The following LPA variants were observed in gnomAD, a reference collection of about 807,000 sequenced individuals.
LPA encodes the protein lipoprotein(a), also known as apolipoprotein(a).
A neutral mutation model predicts 197.9 loss-of-function variants in LPA; 199 were observed. The observed-to-expected ratio is 1.01, with a 90% CI of 0.90 to 1.13. The LOEUF is 1.13. Ranked by LOEUF, LPA falls within the 50% of genes most tolerant of loss-of-function variation. The pLI is 0.00. For missense variants in LPA, 1,853 were observed against 1,785.8 expected, an observed-to-expected ratio of 1.04 and a Z score of -0.68; for synonymous variants, 715 against 639.5, an observed-to-expected ratio of 1.12 and a Z score of -1.78.
intron 30 of LPA, among the ~76,000 whole-genome samples, chr6:160,552,098 G>C (rs934279056): frequency 2.0e-5 from 3 of 152,090 alleles, no homozygotes; most frequent in African/African-American, 7.2e-5. Context: ...TTTTTGTAGA[G>C]AGAGGGTCTC....
chr6:160,550,218 A>C (rs971998309), intron 30 of LPA, among the ~76,000 whole-genome samples: 1 of 58,524 alleles, frequency 1.7e-5, no homozygotes, highest in Non-Finnish European at 3.3e-5. Flanking sequence ...AGACTCTGTC[A>C]AGAAAAAAAA....
chr6:160,631,799 T>C (rs9365195), intron 8 of LPA, among the ~76,000 whole-genome samples: 21 of 150,446 alleles, frequency 1.4e-4, no homozygotes, highest in East Asian at 1.2e-3. Context: ...GATTCCGGTA[T>C]TTGTTTCTAT....
At chr6:160,643,106 G>GTGTGTGTGTT (rs1692566970) in intron 4 of LPA, among the ~76,000 whole-genome samples, 9 of 145,688 alleles carry the variant, frequency 6.2e-5, no homozygotes, top group African/African-American at 2.2e-4. Flanking sequence ...GTGTGTGTGT[G>GTGTGTGTGTT]TGTGTGTGTA....
intron 28 of LPA, among the ~76,000 whole-genome samples, chr6:160,564,877 C>T (rs1342019720): frequency 3.3e-5 from 5 of 152,198 alleles, no homozygotes; most frequent in Admixed American, 6.5e-5. Context: ...GGGTCCCATG[C>T]CCACAGAGCC....
intron 20 of LPA, among the ~76,000 whole-genome samples, chr6:160,598,897 T>C (rs41271004): frequency 1.1e-4 from 16 of 152,184 alleles, no homozygotes; most frequent in African/African-American, 3.9e-4. Context: ...AATTCCAAGG[T>C]GAAAAGGTTG....
chr6:160,573,898 G>A (rs1365416877), intron 28 of LPA, among the ~76,000 whole-genome samples: 3 of 152,080 alleles, frequency 2.0e-5, no homozygotes, highest in Admixed American at 6.6e-5. Flanking sequence ...GTGCTGGTTG[G>A]CCTCCTGCAT....
intron 33 of LPA, among the ~76,000 whole-genome samples, chr6:160,544,514 A>T (rs1778032508): frequency 6.6e-6 from 1 of 152,106 alleles, no homozygotes; most frequent in African/African-American, 2.4e-5. Flanking sequence ...AGTGGCCCAA[A>T]TGTGACGATG....
chr6:160,611,163 C>G (rs553568989), intron 16 of LPA, among the ~76,000 whole-genome samples: 1 of 152,216 alleles, frequency 6.6e-6, no homozygotes, highest in African/African-American at 2.4e-5. Flanking sequence ...CATAAACTTT[C>G]CTCATGAGCC....
chr6:160,657,127 C>T (rs1211308026), intron 1 of LPA, among the ~76,000 whole-genome samples: 1 of 152,166 alleles, frequency 6.6e-6, no homozygotes, highest in Non-Finnish European at 1.5e-5. Context: ...ACTGTTAGAT[C>T]TGACATACAG....
intron 8 of LPA, among the ~76,000 whole-genome samples, chr6:160,633,171 CTTTTCAG>C (rs1779721525): frequency 8.1e-6 from 1 of 123,070 alleles, no homozygotes; most frequent in Admixed American, 7.4e-5. Context: ...ATCCCTTTTA[CTTTTCAG>C]CATCCCTCTC....
At chr6:160,562,934 T>A (rs1051597960) in intron 28 of LPA, among the ~76,000 whole-genome samples, 1 of 152,216 alleles carries the variant, frequency 6.6e-6, no homozygotes, top group South Asian at 2.1e-4. Context: ...TATTCTTTAT[T>A]GTGTCTATTT....
At chr6:160,596,394 T>G (rs1404231778) in intron 20 of LPA, among the ~76,000 whole-genome samples, 2 of 131,238 alleles carry the variant, frequency 1.5e-5, no homozygotes, top group Non-Finnish European at 3.1e-5. Flanking sequence ...TCTTATTTGC[T>G]TTTTTTTTTT....
In LPA at chr6:160,569,395, T is replaced by C. The variant is rs1778521622; in HGVS notation, c.4631+7741A>G. 1.3e-5 allele frequency among the ~76,000 whole-genome samples: 2 copies of C among 151,946 alleles called. 1 individual carries two copies. The highest frequency in any genetic ancestry group is 4.2e-4 in the South Asian group (2 of 4,814). ...AAGAAATAGGGAAAGGTTTCCCTAT[T>C]TAATACATGGTGCTGGGAAAACTGC... On this transcript the variant is annotated intron_variant, in intron 28 of 38. Coordinates refer to ENST00000316300, the MANE Select transcript of LPA (RefSeq NM_005577.4).
intron 24 of LPA, 49 bp from the exon 25 acceptor site, chr6:160,586,679 G>A (rs1288466008): frequency 9.3e-6 from 15 of 1,610,896 alleles, no homozygotes; most frequent in Admixed American, 1.7e-5. Context: ...AGAAGATACA[G>A]CACCACCTGG....
intron 32 of LPA, among the ~76,000 whole-genome samples, 189 bp downstream of exon 32, chr6:160,547,600 G>A (rs1393689109): frequency 1.3e-5 from 2 of 152,140 alleles, no homozygotes; most frequent in African/African-American, 4.8e-5. Flanking sequence ...GTAAAGAAAT[G>A]TCAAAAGAGA....
intron 28 of LPA, among the ~76,000 whole-genome samples, chr6:160,565,768 G>C (rs1025405100): frequency 2.0e-5 from 3 of 152,132 alleles, no homozygotes; most frequent in Non-Finnish European, 4.4e-5. Flanking sequence ...TTGCAAAGAA[G>C]CTAAAAACCT....
chr6:160,589,118 C>T (rs41272078), intron 24 of LPA, among the ~76,000 whole-genome samples: 4,071 of 152,266 alleles, frequency 0.027, 79 homozygotes, highest in Non-Finnish European at 0.037. Context: ...AGAAAGTGAT[C>T]GGAAGATCTC....
At chr6:160,544,233 C>A (rs888550695) in intron 33 of LPA, among the ~76,000 whole-genome samples, 6 of 151,958 alleles carry the variant, frequency 3.9e-5, no homozygotes, top group African/African-American at 1.5e-4. Flanking sequence ...GATAGAGAGC[C>A]CAGGCAGTGA....
At position 160,609,217 on chromosome 6, in the gene LPA, A is replaced by G. The variant is rs1200493426; in HGVS notation, c.2603+2345T>C. 3.9e-5 allele frequency among the ~76,000 whole-genome samples: 6 copies of G among 152,098 alleles called. No homozygotes were observed. The East Asian group carries it at 9.6e-4, about 24-fold the overall frequency. On this transcript the variant is annotated intron_variant, in intron 16 of 38. Transcript: ENST00000316300. The stretch of plus-strand genomic sequence containing the variant: ...AAGCCTGCTGATTCCAAAGTCTTAC[A>G]CTTTCCAGTTTCTTTGTTTTGGGCA...
Sources: allele counts gnomAD v4.1 joint callset (sites outside exome capture counted in the v4.1 genomes callset), GRCh38; gene constraint gnomAD v4.1.1; transcripts MANE v1.5; gene names NCBI Gene and HGNC (gene_info 2026-07-23, HGNC 2026-07-21).